The following SLIT2 variants were observed in gnomAD, a reference collection of about 807,000 sequenced individuals.
SLIT2 encodes slit homolog 2 protein.
SLIT2 carries 41 observed loss-of-function variants against 185.7 expected under a neutral mutation model. That is an observed-to-expected ratio of 0.22 (90% CI 0.17 to 0.29). The LOEUF (loss-of-function observed/expected upper bound fraction) is 0.29, where lower values mean the gene tolerates loss of function less well. Ranked by LOEUF, SLIT2 falls within the 10% of genes least tolerant of loss-of-function variation. The pLI is 1.00. For missense variants in SLIT2, 1,571 were observed against 1,909.0 expected, an observed-to-expected ratio of 0.82 and a Z score of 3.30; for synonymous variants, 693 against 680.2, an observed-to-expected ratio of 1.02 and a Z score of -0.29.
At chr4:20,421,229 G>A (rs984718051) in intron 4 of SLIT2, among the ~76,000 whole-genome samples, 8 of 152,120 alleles carry the variant, frequency 5.3e-5, no homozygotes, top group Admixed American at 2.6e-4. Flanking sequence ...TCAGACTTTC[G>A]CCTTTTCCAA....
chr4:20,333,181 C>T (rs965254907), intron 4 of SLIT2, among the ~76,000 whole-genome samples: 7 of 152,092 alleles, frequency 4.6e-5, no homozygotes, highest in South Asian at 2.1e-4. Context: ...AGCTTTATAG[C>T]GTGCTTTTAG....
chr4:20,538,189 T>A (rs1417190744), intron 18 of SLIT2, among the ~76,000 whole-genome samples: 10 of 152,174 alleles, frequency 6.6e-5, no homozygotes, highest in African/African-American at 1.9e-4. Context: ...CTTGATCTCC[T>A]GACCTCGTGA....
At chr4:20,360,851 C>T (rs1291566909) in intron 4 of SLIT2, among the ~76,000 whole-genome samples, 8 of 152,098 alleles carry the variant, frequency 5.3e-5, no homozygotes, top group Non-Finnish European at 1.2e-4. Flanking sequence ...GCTGTATCCA[C>T]ATTACATGTA....
At chr4:20,411,285 G>C (rs78363914) in intron 4 of SLIT2, among the ~76,000 whole-genome samples, 13,018 of 152,236 alleles carry the variant, frequency 0.086, 579 homozygotes, top group African/African-American at 0.12. Flanking sequence ...AGCAATATTA[G>C]TAGATAACAC....
chr4:20,396,917 T>G (rs1357613610), intron 4 of SLIT2, among the ~76,000 whole-genome samples: 1 of 149,962 alleles, frequency 6.7e-6, no homozygotes, highest in Non-Finnish European at 1.5e-5. Context: ...ATTTGTAAAT[T>G]TATATAAATT....
chr4:20,529,600 T>A (rs1001567618), intron 16 of SLIT2, among the ~76,000 whole-genome samples: 1 of 152,220 alleles, frequency 6.6e-6, no homozygotes, highest in Non-Finnish European at 1.5e-5. Context: ...GATAGCTTTT[T>A]CTGAACAATG....
chr4:20,301,486 G>A (rs1717031542), intron 4 of SLIT2, among the ~76,000 whole-genome samples: 1 of 152,010 alleles, frequency 6.6e-6, no homozygotes, highest in Non-Finnish European at 1.5e-5. Flanking sequence ...AGGCATTAAC[G>A]GGGCATACTA....
At chr4:20,334,023 G>C (rs772326704) in intron 4 of SLIT2, among the ~76,000 whole-genome samples, 1 of 152,150 alleles carries the variant, frequency 6.6e-6, no homozygotes, top group Non-Finnish European at 1.5e-5. Flanking sequence ...AGCTCACTGT[G>C]TTCTCCTTGA....
chr4:20,597,797 C>T (rs559677870), intron 32 of SLIT2, among the ~76,000 whole-genome samples: 53 of 152,250 alleles, frequency 3.5e-4, no homozygotes, highest in Admixed American at 1.2e-3. Flanking sequence ...CTTAACTTAG[C>T]TAATTAATCC....
intron 4 of SLIT2, among the ~76,000 whole-genome samples, chr4:20,454,653 T>C (rs944161526): frequency 6.6e-6 from 1 of 152,200 alleles, no homozygotes; most frequent in African/African-American, 2.4e-5. Context: ...CAGGCAGGTT[T>C]GCCATCTAAA....
At chr4:20,375,683 T>C (rs912902997) in intron 4 of SLIT2, among the ~76,000 whole-genome samples, 7 of 152,052 alleles carry the variant, frequency 4.6e-5, no homozygotes, top group Non-Finnish European at 7.4e-5. Flanking sequence ...ATTTCATCAG[T>C]TGATATTTTA....
At chr4:20,599,359 A>G (rs954638049) in intron 33 of SLIT2, among the ~76,000 whole-genome samples, 1 of 152,198 alleles carries the variant, frequency 6.6e-6, no homozygotes, top group Non-Finnish European at 1.5e-5. Flanking sequence ...TTTCACATGT[A>G]GAAATTCACC....
rs780449277 is a variant in SLIT2, at chr4:20,610,214, CATT to C, written c.3847+50_3847+52del. 7.8e-6 allele frequency: 12 copies of C among 1,546,256 alleles called. No homozygotes were observed. In the African/African-American group the frequency reaches 1.5e-4, roughly 19 times the overall value. ...GGTGGTCCTGAAACCCTGTGATTCT[CATT>C]ATGGACGAATTCTGAAGTTTGTTAA... On this transcript the variant is annotated intron_variant, in intron 34 of 36. Coordinates refer to ENST00000504154, the MANE Select transcript of SLIT2 (RefSeq NM_004787.4).
At position 20,596,644 on chromosome 4, in the gene SLIT2, A is replaced by G. The variant is rs752055490; in HGVS notation, c.3550A>G (p.Ile1184Val). Reference protein sequence around the residue: ...PSAKVRPQTNITLQIATDEDS... With the variant: ...PSAKVRPQTNVTLQIATDEDS... Reference sequence around the variant, plus strand: ...AGCCAAGGTTCGGCCTCAGACGAACATAACACTTCAGGTAAGAGATCTCTC... The same window carrying G: ...AGCCAAGGTTCGGCCTCAGACGAACGTAACACTTCAGGTAAGAGATCTCTC... Residue 1184 changes from isoleucine (I) to valine (V), a missense_variant, in exon 32 of 37, where the codon ATA (isoleucine) becomes GTA (valine). Around this residue, in one of 3 missense-constraint regions of SLIT2, gnomAD observed 146 missense variants for 247.4 expected, o/e 0.59. Transcript: ENST00000504154. The G allele has an allele frequency of 1.2e-6, 2 of 1,612,784 alleles. No individual in the cohort carries two copies. The highest frequency in any genetic ancestry group is 1.1e-5 in the South Asian group (1 of 91,060).
chr4:20,573,366 A>G (rs1725789061), intron 29 of SLIT2: 2 of 692,320 alleles, frequency 2.9e-6, no homozygotes, highest in African/African-American at 3.5e-5. Context: ...AATGTTGACA[A>G]AATATAAAAT....
chr4:20,493,696 C>A (rs1180156821), intron 9 of SLIT2, among the ~76,000 whole-genome samples: 1 of 152,030 alleles, frequency 6.6e-6, no homozygotes, highest in Non-Finnish European at 1.5e-5. Flanking sequence ...ACCCTGTATC[C>A]CATCTAAAAC....
chr4:20,475,056 A>C (rs1265662045), intron 5 of SLIT2, among the ~76,000 whole-genome samples: 2 of 151,934 alleles, frequency 1.3e-5, no homozygotes, highest in South Asian at 2.1e-4. Flanking sequence ...AAATGCTGTA[A>C]CATCCAGTCT....
chr4:20,260,723 T>G (rs759243792), intron 3 of SLIT2, among the ~76,000 whole-genome samples: 2 of 151,864 alleles, frequency 1.3e-5, no homozygotes, highest in Non-Finnish European at 2.9e-5. Flanking sequence ...AATTTAATTG[T>G]AGCATGGAAT....
At position 20,524,130 on chromosome 4, in the gene SLIT2, C is replaced by G. The variant is rs1181318292; in HGVS notation, c.1391C>G (p.Ala464Gly). Residue 464 changes from alanine to glycine, a missense_variant, in exon 14 of 37, where the codon GCA becomes GGA. Ala to Gly is a moderately conservative substitution (Grantham distance 60). Transcript: ENST00000504154. Reference protein sequence around the residue: ...GARCTSPRRLANKRIGQIKSK... With the variant: ...GARCTSPRRLGNKRIGQIKSK... ...CGTTGCACCAGCCCCCGCCGCCTGG[C>G]AAACAAAAGAATTGGACAGATCAAA... is the stretch of plus-strand genomic sequence containing the variant. 6.2e-7 allele frequency: 1 copy of G among 1,614,052 alleles called. No individual in the cohort carries two copies. Among genetic ancestry groups the G allele is most frequent in the East Asian group, 2.2e-5 (1 of 44,890 alleles).
Sources: gnomAD v4.1 joint callset for allele counts (sites outside exome capture counted in the v4.1 genomes callset) on GRCh38, gnomAD v4.1.1 for gene constraint, gnomAD v4.1.1 regional missense constraint, MANE v1.5 for transcripts, NCBI Gene and HGNC (gene_info 2026-07-23, HGNC 2026-07-21) for gene names.